Variants in ARID1B observed in about 807,000 individuals in gnomAD.
ARID1B encodes AT-rich interactive domain-containing protein 1B.
A neutral mutation model predicts 212.3 loss-of-function variants in ARID1B; 30 were observed. The ratio of observed to expected loss-of-function variants is 0.14; its 90% CI spans 0.11 to 0.19. The LOEUF (loss-of-function observed/expected upper bound fraction) is 0.19, where lower values mean the gene tolerates loss of function less well. Among genes scored for constraint, ARID1B ranks in the 10% least tolerant of loss-of-function variants. The pLI, the probability that ARID1B is intolerant of heterozygous loss-of-function variation, is 1.00. For missense variants in ARID1B, 2,891 were observed against 3,204.0 expected (o/e 0.90, Z 2.36); for synonymous variants, 1,402 against 1,301.7 (o/e 1.08, Z -1.66).
chr6:157,093,207 G>A (rs1472479288), intron 5 of ARID1B, among the ~76,000 whole-genome samples: 2 of 152,194 alleles, frequency 1.3e-5, no homozygotes, highest in South Asian at 4.1e-4. Flanking sequence ...TAAATGAATA[G>A]TACTTAGAGT....
At position 157,207,444 on chromosome 6, in the gene ARID1B, C is replaced by A. The variant is rs2128398030; in HGVS notation, c.6672C>A (p.Ala2224=). The stretch of plus-strand genomic sequence containing the variant: ...ACAATAATGTGGACCTGATCTTGGC[C>A]ACTCCTCCATTTAGTCGTCAGGAGA... The part of the protein sequence containing the change: ...IQDNNVDLIL[A]TPPFSRQEKF... Residue 2224 remains alanine, a synonymous_variant, in exon 20 of 20, where the codon GCC becomes GCA. Transcript: ENST00000636930. The surrounding 1 kb of genome is among the most constrained non-coding windows in gnomAD (Gnocchi z 8.5). 1 of 1,614,114 alleles carries A rather than the reference C, an allele frequency of 6.2e-7. No homozygotes were observed.
At chr6:157,087,821 A>G (rs1052232011) in intron 5 of ARID1B, among the ~76,000 whole-genome samples, 2 of 150,276 alleles carry the variant, frequency 1.3e-5, no homozygotes, top group African/African-American at 4.9e-5. Context: ...AAAAAAGTCC[A>G]CGTTCCTCTT....
intron 4 of ARID1B, among the ~76,000 whole-genome samples, chr6:157,056,910 T>G (rs1205057117): frequency 6.6e-6 from 1 of 151,998 alleles, no homozygotes; most frequent in African/African-American, 2.4e-5. Context: ...TTTTTTTAAA[T>G]AAGTTTAAGT....
intron 4 of ARID1B, among the ~76,000 whole-genome samples, chr6:156,959,647 G>A (rs1311158132): frequency 1.3e-5 from 2 of 152,144 alleles, no homozygotes; most frequent in Non-Finnish European, 2.9e-5. Context: ...TTTATGAGAA[G>A]TCTTCAGAAA....
intron 12 of ARID1B, among the ~76,000 whole-genome samples, chr6:157,183,666 T>C (rs145622654): frequency 0.023 from 3,436 of 152,308 alleles, 54 homozygotes; most frequent in Non-Finnish European, 0.034. Flanking sequence ...CAGGAAGGTG[T>C]GCACCTGCCC....
intron 4 of ARID1B, among the ~76,000 whole-genome samples, chr6:157,049,450 C>T (rs147515194): frequency 7.2e-5 from 11 of 152,240 alleles, no homozygotes; most frequent in Non-Finnish European, 1.2e-4. Context: ...TTGAAATCGG[C>T]GTAGAGGAAG....
chr6:157,067,744 T>C (rs1228426610), intron 4 of ARID1B, among the ~76,000 whole-genome samples: 1 of 152,248 alleles, frequency 6.6e-6, no homozygotes, highest in African/African-American at 2.4e-5. Context: ...TCGTTCTGCG[T>C]ACTGTGCAGT....
At chr6:156,786,929 G>A (rs1779675332) in intron 1 of ARID1B, among the ~76,000 whole-genome samples, 1 of 150,198 alleles carries the variant, frequency 6.7e-6, no homozygotes, top group Non-Finnish European at 1.5e-5. Context: ...ATGTGGGTCA[G>A]CAGTCTATTT....
intron 4 of ARID1B, among the ~76,000 whole-genome samples, chr6:157,083,808 CATT>C (rs1784782512): frequency 6.6e-6 from 1 of 152,178 alleles, no homozygotes; most frequent in Non-Finnish European, 1.5e-5. Context: ...TAAATACACA[CATT>C]ATTATTTTCT....
At chr6:156,964,270 T>C (rs1794593675) in intron 4 of ARID1B, among the ~76,000 whole-genome samples, 3 of 152,258 alleles carry the variant, frequency 2.0e-5, no homozygotes, top group South Asian at 2.1e-4. Context: ...CTCTTTTTCA[T>C]TCTCTTTGAC....
intron 1 of ARID1B, among the ~76,000 whole-genome samples, chr6:156,795,054 T>C (rs913001804): frequency 2.0e-5 from 3 of 152,194 alleles, no homozygotes; most frequent in African/African-American, 7.2e-5. Context: ...CCTACCATTA[T>C]CTGGGTCGTT....
At chr6:157,036,739 C>G in intron 4 of ARID1B, 1 of 449,200 alleles carries the variant, frequency 2.2e-6, no homozygotes, top group Non-Finnish European at 4.5e-6. Flanking sequence ...TTTCTCAGAA[C>G]TCTCAATTCT....
At chr6:156,866,423 C>T (rs766332788) in intron 2 of ARID1B, among the ~76,000 whole-genome samples, 5 of 152,166 alleles carry the variant, frequency 3.3e-5, no homozygotes, top group South Asian at 2.1e-4. Context: ...AGCTGGGTGT[C>T]GGACTTAACC....
chr6:156,777,838 CA>C lies in ARID1B; in HGVS notation c.159del (p.Pro54ArgfsTer15). ...GARGAAAAAA[A>X]PGPMLGGGGD... ...CGCGGCGCGGCGGCGGCGGCGGCGGCACCGGGACCCATGCTGGGGGGCGGCG... is the reference window on the plus strand; with the variant it reads ...CGCGGCGCGGCGGCGGCGGCGGCGGCCCGGGACCCATGCTGGGGGGCGGCG... On this transcript the variant is annotated frameshift_variant, in exon 1 of 20. Coordinates refer to ENST00000636930, the MANE Select transcript of ARID1B (RefSeq NM_001374828.1). LOFTEE classifies it high-confidence loss of function. 8.4e-7 allele frequency: 1 copy of C among 1,194,232 alleles called. No homozygotes were observed. Among genetic ancestry groups the C allele is most frequent in the Non-Finnish European group, 1.0e-6 (1 of 962,950 alleles). The allele number at this position is 1,194,232 out of a possible 1,614,324, so 74.0% of individuals were successfully genotyped here. A position where few individuals can be genotyped will look rare whatever the true frequency, so the allele number is the denominator to read the frequency against.
rs142030198 is a variant in ARID1B, at chr6:156,901,896, C to T, written c.2136+371C>T. The T allele has an allele frequency of 1.2e-4, 26 of 225,684 alleles. No homozygotes were observed. In the East Asian group the frequency reaches 1.5e-3, roughly 13 times the overall value. 14.0% of individuals were successfully genotyped at this position (225,684 alleles called of 1,614,324 possible). ...AATCATTTAATCCTTCTAGTTGGCA[C>T]GTGCATGGTATTTTTATCTTGACCT... On this transcript the variant is annotated intron_variant, in intron 3 of 19. Transcript: ENST00000636930.
At chr6:156,931,190 C>CAAAAAAAAAAAAAAAAAAAAAAAAAA (rs11309121) in intron 3 of ARID1B, among the ~76,000 whole-genome samples, 1 of 90,184 alleles carries the variant, frequency 1.1e-5, no homozygotes, top group Non-Finnish European at 2.3e-5. Flanking sequence ...GACTCAGTCT[C>CAAAAAAAAAAAAAAAAAAAAAAAAAA]AAAAAAAAAA....
chr6:157,068,499 C>G (rs907705773), intron 4 of ARID1B, among the ~76,000 whole-genome samples: 1 of 152,232 alleles, frequency 6.6e-6, no homozygotes, highest in African/African-American at 2.4e-5. Flanking sequence ...AGAAAACATT[C>G]TGTGAGACCC....
chr6:157,139,208 C>A (rs1014942853), intron 7 of ARID1B, among the ~76,000 whole-genome samples: 1 of 152,222 alleles, frequency 6.6e-6, no homozygotes, highest in African/African-American at 2.4e-5. Context: ...AAGAGGGGCA[C>A]ACCTCCTGCC....
At chr6:157,202,951 G>A (rs137868711) in intron 18 of ARID1B, among the ~76,000 whole-genome samples, 3,981 of 152,044 alleles carry the variant, frequency 0.026, 85 homozygotes, top group Admixed American at 0.041. Flanking sequence ...CTCCCAGTGC[G>A]GGTTATATAG....
Sources: gnomAD v4.1 joint callset for allele counts (sites outside exome capture counted in the v4.1 genomes callset) on GRCh38, gnomAD v4.1.1 for gene constraint, Gnocchi (gnomAD v3.1) non-coding constraint, MANE v1.5 for transcripts, NCBI Gene and HGNC (gene_info 2026-07-23, HGNC 2026-07-21) for gene names.